Variants in CXADR observed in about 807,000 individuals in gnomAD.
The protein encoded by CXADR is CXADR cell adhesion molecule.
In CXADR, 20 loss-of-function variants were observed where a neutral mutation model predicts 40.3. The ratio of observed to expected loss-of-function variants is 0.50; its 90% CI spans 0.35 to 0.72. The LOEUF (loss-of-function observed/expected upper bound fraction) is 0.72. Ranked by LOEUF, CXADR falls within the 30% of genes least tolerant of loss-of-function variation. The pLI is 0.01. For synonymous variants in CXADR, 150 were observed against 161.3 expected (o/e 0.93, Z 0.53); for missense variants, 332 against 449.1 (o/e 0.74, Z 2.36).
At chr21:17,596,726 ATCC>A (rs560701860), downstream of CXADR, among the ~76,000 whole-genome samples, 413 of 152,188 alleles carry the variant, frequency 2.7e-3, 3 homozygotes, top group African/African-American at 9.3e-3. Flanking sequence ...CCTCCAACTG[ATCC>A]TCCTTTTTTA....
At chr21:17,592,171 A>G (rs1321972483) in intron 7 of CXADR, among the ~76,000 whole-genome samples, 1 of 151,926 alleles carries the variant, frequency 6.6e-6, no homozygotes. Flanking sequence ...GTATGTGCCA[A>G]AAATAACACT....
the CXADR span, chr21:17,604,100 T>G: frequency 7.9e-7 from 1 of 1,264,638 alleles, no homozygotes; most frequent in South Asian, 1.3e-5. Context: ...GAAAAATAAC[T>G]TCCATTATAA....
rs1365338998 is a variant in CXADR at position 17,565,461 on chromosome 21, C to A, written c.867C>A (p.Ser289=). The A allele has an allele frequency of 6.2e-7, 1 of 1,613,918 alleles. No individual in the cohort carries two copies. Among genetic ancestry groups the A allele is most frequent in the East Asian group, 2.2e-5 (1 of 44,878 alleles). ...EDVPPPKSRT[S]TARSYIGSNH... The stretch of plus-strand genomic sequence containing the variant: ...TGCCACCTCCAAAGAGCCGTACGTC[C>A]ACTGCCAGAAGCTACATCGGCAGTA... The change falls in exon 7 of 7, where the codon TCC becomes TCA. Residue 289 remains serine, a synonymous_variant. Transcript: ENST00000284878.
the CXADR span, among the ~76,000 whole-genome samples, chr21:17,635,670 T>G: frequency 0.015 from 2,281 of 152,338 alleles, 49 homozygotes; most frequent in African/African-American, 0.052. Flanking sequence ...ATTCTACTCT[T>G]AGAAATTACT....
downstream of CXADR, among the ~76,000 whole-genome samples, chr21:17,597,990 A>G (rs1207633512): frequency 2.0e-5 from 3 of 152,124 alleles, no homozygotes; most frequent in African/African-American, 7.2e-5. Flanking sequence ...AACTCAAAAA[A>G]TCTCTTTAAA....
intron 7 of CXADR, among the ~76,000 whole-genome samples, chr21:17,577,625 T>TTTTTC (rs2061331487): frequency 6.9e-6 from 1 of 144,700 alleles, no homozygotes; most frequent in South Asian, 2.2e-4. Context: ...TTTTTTTTTT[T>TTTTTC]TTTTTTTTTT....
chr21:17,579,884 T>A (rs926519300), intron 7 of CXADR, among the ~76,000 whole-genome samples: 69 of 148,564 alleles, frequency 4.6e-4, no homozygotes, highest in Non-Finnish European at 8.2e-4. Flanking sequence ...TGTATTTTAT[T>A]AAAAAAAAAA....
chr21:17,540,231 CCTACCT>C (rs1416733232), intron 1 of CXADR, among the ~76,000 whole-genome samples: 3 of 152,082 alleles, frequency 2.0e-5, no homozygotes, highest in African/African-American at 7.2e-5. Context: ...CCTTAAAAGC[CCTACCT>C]CTAATACAGT....
the CXADR span, among the ~76,000 whole-genome samples, chr21:17,601,835 A>G: frequency 6.6e-6 from 1 of 152,222 alleles, no homozygotes; most frequent in Non-Finnish European, 1.5e-5. Context: ...AGAAACCTCA[A>G]CCAAGGGCAA....
rs375784115 is a variant in CXADR, at chr21:17,559,149, A to G, written c.571+18A>G. On this transcript the variant is annotated intron_variant, in intron 4 of 6. Transcript: ENST00000284878. The stretch of plus-strand genomic sequence containing the variant: ...GTTAGCAGGTACTGCTGATAATAGT[A>G]TTTGTACCACATGCCATTGATTTGG... 2 of 1,613,112 alleles carry G rather than the reference A, an allele frequency of 1.2e-6. No individual in the cohort carries two copies. Among genetic ancestry groups the G allele is most frequent in the Non-Finnish European group, 1.7e-6 (2 of 1,179,462 alleles).
In CXADR at chr21:17,569,753, G is replaced by A. The variant is rs115195497; in HGVS notation, c.*4061G>A. 1,438 of 983,822 alleles carry A rather than the reference G, an allele frequency of 1.5e-3. 18 individuals are homozygous for A. The African/African-American group carries it at 0.023, about 16-fold the overall frequency. The allele number at this position is 983,822 out of a possible 1,614,324, so 60.9% of individuals were successfully genotyped here. ...TACATATCAGTTGGGTTTGGTTTTGGTCATCGAGACTAAAAGCTCCATCAA... is the reference window on the plus strand; with the variant it reads ...TACATATCAGTTGGGTTTGGTTTTGATCATCGAGACTAAAAGCTCCATCAA... On this transcript the variant is annotated 3_prime_UTR_variant, in exon 7 of 7. Coordinates refer to ENST00000284878, the MANE Select transcript of CXADR (RefSeq NM_001338.5).
chr21:17,606,936 C>T, the CXADR span, among the ~76,000 whole-genome samples: 1 of 152,108 alleles, frequency 6.6e-6, no homozygotes, highest in African/African-American at 2.4e-5. Flanking sequence ...GATAATATTG[C>T]CAAATTGCTC....
At chr21:17,580,158 T>G (rs1470266556) in intron 7 of CXADR, among the ~76,000 whole-genome samples, 1 of 152,174 alleles carries the variant, frequency 6.6e-6, no homozygotes, top group African/African-American at 2.4e-5. Context: ...ATCCACTTGA[T>G]TATGAAAACA....
rs1429227094 is a variant in CXADR at position 17,568,035 on chromosome 21, A to G, written c.*2343A>G. ...AATTTAGTTGAACCAGAGATCAAAT[A>G]TTTGCTCCCGAATTACTACTGGTAA... On this transcript the variant is annotated 3_prime_UTR_variant, in exon 7 of 7. Coordinates refer to ENST00000284878, the MANE Select transcript of CXADR (RefSeq NM_001338.5). The G allele has an allele frequency of 1.0e-6, 1 of 984,096 alleles. No individual in the cohort carries two copies. Among genetic ancestry groups the G allele is most frequent in the Non-Finnish European group, 1.2e-6 (1 of 829,660 alleles). 61.0% of individuals were successfully genotyped at this position (984,096 alleles called of 1,614,324 possible).
At chr21:17,613,096 C>G in the CXADR span, 2 of 152,134 alleles carry the variant, frequency 1.3e-5, no homozygotes, top group African/African-American at 2.4e-5. Flanking sequence ...TCGCCCTACC[C>G]TGAGCCTGGC....
downstream of CXADR, among the ~76,000 whole-genome samples, chr21:17,595,966 A>G (rs2061498811): frequency 6.6e-6 from 1 of 152,046 alleles, no homozygotes; most frequent in Non-Finnish European, 1.5e-5. Flanking sequence ...TAAATTGTGC[A>G]GTTCTGGAAG....
At chr21:17,547,229 T>C (rs755234520) in intron 2 of CXADR, 36 bp downstream of exon 2, 1 of 1,612,582 alleles carries the variant, frequency 6.2e-7, no homozygotes, top group South Asian at 1.1e-5. Flanking sequence ...TTAGCAGCTG[T>C]CTGTGCAACT....
At chr21:17,600,656 C>CA in the CXADR span, among the ~76,000 whole-genome samples, 2 of 149,104 alleles carry the variant, frequency 1.3e-5, no homozygotes, top group African/African-American at 4.9e-5. Flanking sequence ...CCCTGTCTCT[C>CA]AAAAAAACAA....
At chr21:17,576,396 A>G (rs1019245035) in intron 7 of CXADR, among the ~76,000 whole-genome samples, 74 of 152,296 alleles carry the variant, frequency 4.9e-4, no homozygotes, top group African/African-American at 1.7e-3. Flanking sequence ...AATAGTATCT[A>G]CCTTGTAGTA....
Sources: allele counts gnomAD v4.1 joint callset (sites outside exome capture counted in the v4.1 genomes callset), GRCh38; gene constraint gnomAD v4.1.1; transcripts MANE v1.5; gene names NCBI Gene and HGNC (gene_info 2026-07-23, HGNC 2026-07-21).